Variants in ETS1 observed in about 807,000 individuals in gnomAD.
The protein encoded by ETS1 is protein C-ets-1.
Under a neutral mutation model 58.6 loss-of-function variants are expected in ETS1, and 15 were observed. That is an observed-to-expected ratio of 0.26 (90% CI 0.17 to 0.39). ETS1 has a LOEUF of 0.39. Ranked by LOEUF, ETS1 falls within the 10% of genes least tolerant of loss-of-function variation. The pLI is 1.00. For synonymous variants in ETS1, 214 were observed against 218.2 expected (o/e 0.98, Z 0.17); for missense variants, 417 against 610.5 (o/e 0.68, Z 3.34).
intron 3 of ETS1, among the ~76,000 whole-genome samples, chr11:128,509,789 C>G (rs1419133548): frequency 6.6e-6 from 1 of 152,070 alleles, no homozygotes; most frequent in African/African-American, 2.4e-5. Context: ...GGTCTAAGAT[C>G]AAATTTATGA....
rs1309973155 is a variant in ETS1 at position 128,459,774 on chromosome 11, T to A, written c.*2587A>T. ...CACTATCTACAAATCTTGAAAATGG[T>A]GGACTTAGAGAGAAAGGGAATTTTA... On this transcript the variant is annotated 3_prime_UTR_variant, in exon 10 of 10. Coordinates refer to ENST00000392668, the MANE Select transcript of ETS1 (RefSeq NM_001143820.2). The A allele has an allele frequency of 1.3e-5, 2 of 152,620 alleles. No homozygotes were observed. Among genetic ancestry groups the A allele is most frequent in the Non-Finnish European group, 2.9e-5 (2 of 68,016 alleles). The allele number at this position is 152,620 out of a possible 1,614,324, so 9.5% of individuals were successfully genotyped here.
intron 3 of ETS1, among the ~76,000 whole-genome samples, chr11:128,524,253 T>G (rs1863757383): frequency 6.6e-6 from 1 of 152,196 alleles, no homozygotes; most frequent in Admixed American, 6.5e-5. Context: ...AGGAAAATTA[T>G]TCTTTCTAAT....
chr11:128,489,381 G>A lies in ETS1; in HGVS notation c.444C>T (p.Ala148=), dbSNP rs750005426. 6.2e-7 allele frequency: 1 copy of A among 1,614,128 alleles called. No homozygotes were observed. The highest frequency in any genetic ancestry group is 1.1e-5 in the South Asian group (1 of 91,082). Residue 148 remains alanine, a synonymous_variant, in exon 5 of 10, where the codon GCC becomes GCT. Transcript: ENST00000392668. The part of the protein sequence containing the change: ...DFQKFCMNGA[A]LCALGKDCFL... The stretch of plus-strand genomic sequence containing the variant: ...AGCAGTCTTTACCCAGGGCGCAGAG[G>A]GCTGCTCCATTCATACAGAACTTCT...
At chr11:128,480,152 T>C in intron 8 of ETS1, 39 bp downstream of exon 8, 1 of 1,606,210 alleles carries the variant, frequency 6.2e-7, no homozygotes, top group Non-Finnish European at 8.5e-7. Context: ...CACAGAAACG[T>C]GCAGATGGAG....
At chr11:128,505,761 T>C (rs990210452) in intron 3 of ETS1, among the ~76,000 whole-genome samples, 2 of 152,024 alleles carry the variant, frequency 1.3e-5, no homozygotes, top group Non-Finnish European at 2.9e-5. Flanking sequence ...TCTGCCTGGG[T>C]AGGTGAGAAA....
intron 3 of ETS1, among the ~76,000 whole-genome samples, chr11:128,498,968 A>G (rs950430811): frequency 6.6e-6 from 1 of 152,206 alleles, no homozygotes; most frequent in African/African-American, 2.4e-5. Flanking sequence ...ACACAGAGCC[A>G]TGGTCTCTAC....
chr11:128,580,717 G>C (rs1478541609), intron 1 of ETS1, among the ~76,000 whole-genome samples: 5 of 152,176 alleles, frequency 3.3e-5, no homozygotes, highest in African/African-American at 1.2e-4. Flanking sequence ...TGTGTCTTAA[G>C]CTAAGTGCAT....
rs549321703 is a variant in ETS1, at chr11:128,512,890, G to A, written c.215-22314C>T. Among the ~76,000 whole-genome samples, 8 of 152,372 alleles carry A rather than the reference G, an allele frequency of 5.3e-5. No homozygotes were observed. The South Asian group carries it at 6.2e-4, about 12-fold the overall frequency. ...CACTCAGCCCACAGACTCGGCCTGC[G>A]GAAGCAGCTGGACTAGCTGCTTCAC... On this transcript the variant is annotated intron_variant, in intron 3 of 9. Transcript: ENST00000392668.
chr11:128,560,949 T>C (rs1053189035), intron 2 of ETS1, among the ~76,000 whole-genome samples: 1 of 151,948 alleles, frequency 6.6e-6, no homozygotes, highest in Non-Finnish European at 1.5e-5. Context: ...AAACATTTGA[T>C]GAAGGGCCAC....
At chr11:128,486,270 T>C in intron 5 of ETS1, 124 bp from the exon 6 acceptor site, 1 of 636,982 alleles carries the variant, frequency 1.6e-6, no homozygotes, top group South Asian at 2.0e-5. Context: ...TGCATACTCA[T>C]TAACTGGGTT....
In ETS1 at chr11:128,480,467, G is replaced by A; in HGVS notation, c.863-16C>T. ...CCGAGTTTACCTGGAGGTAAAGGAG[G>A]AGGTAGGAAGAGGACAGGGGGAGGA... On this transcript the variant is annotated splice_polypyrimidine_tract_variant and intron_variant, in intron 7 of 9. Coordinates refer to ENST00000392668, the MANE Select transcript of ETS1 (RefSeq NM_001143820.2). 6.3e-7 allele frequency: 1 copy of A among 1,592,200 alleles called. No individual in the cohort carries two copies. Among genetic ancestry groups the A allele is most frequent in the Non-Finnish European group, 8.6e-7 (1 of 1,160,468 alleles).
Position 128,464,082 on chromosome 11 carries a change from T to A in ETS1, c.1124-455A>T, listed in dbSNP as rs183005427. On this transcript the variant is annotated intron_variant, in intron 8 of 9. Coordinates refer to ENST00000392668, the MANE Select transcript of ETS1 (RefSeq NM_001143820.2). This position sits in a 1 kb window ranked among gnomAD's most constrained non-coding sequence, Gnocchi z 4.1. Reference sequence around the variant, plus strand: ...ATGGCTCATAAGCACTGCTCTGTAGTAGGGAGCCTGTGGCCCCTGATTTGT... The same window carrying A: ...ATGGCTCATAAGCACTGCTCTGTAGAAGGGAGCCTGTGGCCCCTGATTTGT... The A allele has an allele frequency of 6.5e-6, 1 of 153,278 alleles. No homozygotes were observed. Among genetic ancestry groups the A allele is most frequent in the Non-Finnish European group, 1.5e-5 (1 of 68,728 alleles). 9.5% of individuals were successfully genotyped at this position (153,278 alleles called of 1,614,324 possible). A position where few individuals can be genotyped will look rare whatever the true frequency, so the allele number is the denominator to read the frequency against.
At chr11:128,536,264 C>T (rs1863971382) in intron 3 of ETS1, 1 of 152,186 alleles carries the variant, frequency 6.6e-6, no homozygotes, top group Non-Finnish European at 1.5e-5. Context: ...GTGAAAATCA[C>T]ACCTGTTAAT....
intron 3 of ETS1, among the ~76,000 whole-genome samples, chr11:128,513,830 T>C (rs1454022218): frequency 2.0e-5 from 3 of 152,128 alleles, no homozygotes; most frequent in Non-Finnish European, 4.4e-5. Context: ...GGTGGAAAGA[T>C]TGTTTGAAGC....
intron 3 of ETS1, among the ~76,000 whole-genome samples, chr11:128,502,381 C>A (rs1269995488): frequency 6.6e-6 from 1 of 152,184 alleles, no homozygotes; most frequent in East Asian, 1.9e-4. Flanking sequence ...ATTAAGGCCT[C>A]TCTGTACAGA....
At chr11:128,472,609 C>A (rs1049680690) in intron 8 of ETS1, among the ~76,000 whole-genome samples, 4 of 152,216 alleles carry the variant, frequency 2.6e-5, no homozygotes, top group Non-Finnish European at 5.9e-5. Context: ...ACCATGTCCA[C>A]ACCAGCACCC....
intron 7 of ETS1, among the ~76,000 whole-genome samples, chr11:128,482,000 A>G (rs1245890243): frequency 6.6e-6 from 1 of 152,118 alleles, no homozygotes; most frequent in African/African-American, 2.4e-5. Context: ...GAGGAGGGTA[A>G]TCTCTGGAAA....
At chr11:128,568,542 C>T (rs1475177868) in intron 2 of ETS1, among the ~76,000 whole-genome samples, 1 of 152,214 alleles carries the variant, frequency 6.6e-6, no homozygotes, top group African/African-American at 2.4e-5. Flanking sequence ...CAGACAACTT[C>T]CCAAAGTGTT....
intron 3 of ETS1, among the ~76,000 whole-genome samples, chr11:128,537,971 A>C (rs2135538700): frequency 6.6e-6 from 1 of 152,312 alleles, no homozygotes; most frequent in Non-Finnish European, 1.5e-5. Context: ...TATAAGAGGT[A>C]TTTCCACTTT....
Sources: gnomAD v4.1 joint callset for allele counts (sites outside exome capture counted in the v4.1 genomes callset) on GRCh38, gnomAD v4.1.1 for gene constraint, Gnocchi (gnomAD v3.1) non-coding constraint, MANE v1.5 for transcripts, NCBI Gene and HGNC (gene_info 2026-07-23, HGNC 2026-07-21) for gene names.